The following ANKAR variants were observed in gnomAD, a reference collection of about 807,000 sequenced individuals.
The protein encoded by ANKAR is ankyrin and armadillo repeat containing, also known as ankyrin and armadillo repeat-containing protein.
A neutral mutation model predicts 146.2 loss-of-function variants in ANKAR; 136 were observed. That is an observed-to-expected ratio of 0.93 (90% CI 0.81 to 1.07). The LOEUF is 1.07. Among genes scored for constraint, ANKAR ranks in the 50% least tolerant of loss-of-function variants. ANKAR has a pLI of 0.00. For missense variants in ANKAR, 1,567 were observed against 1,679.9 expected, an observed-to-expected ratio of 0.93 and a Z score of 1.18; for synonymous variants, 500 against 575.8, an observed-to-expected ratio of 0.87 and a Z score of 1.88.
chr2:189,686,002 C>T (rs1205679475), intron 2 of ANKAR, among the ~76,000 whole-genome samples: 1 of 152,280 alleles, frequency 6.6e-6, no homozygotes, highest in Non-Finnish European at 1.5e-5. Context: ...CTTTCAGTCT[C>T]TAAGGCTTCT....
chr2:189,762,953 T>C (rs1173834302), downstream of ANKAR: 8 of 985,218 alleles, frequency 8.1e-6, no homozygotes, highest in Non-Finnish European at 9.6e-6. Context: ...TTCTGTAAAA[T>C]TACACAGCTA....
intron 5 of ANKAR, among the ~76,000 whole-genome samples, chr2:189,694,559 A>G (rs1402616901): frequency 6.6e-6 from 1 of 152,220 alleles, no homozygotes; most frequent in Non-Finnish European, 1.5e-5. Context: ...CCACTGCTGC[A>G]GTGAGTAAAA....
At chr2:189,699,279 A>G (rs1010296151) in intron 7 of ANKAR, among the ~76,000 whole-genome samples, 3 of 152,222 alleles carry the variant, frequency 2.0e-5, no homozygotes, top group Non-Finnish European at 4.4e-5. Flanking sequence ...ACAAGTGCTT[A>G]GTTTGCCACA....
intron 2 of ANKAR, 103 bp downstream of exon 2, chr2:189,677,194 A>G (rs1235403028): frequency 1.4e-5 from 17 of 1,209,874 alleles, no homozygotes; most frequent in Non-Finnish European, 1.9e-5. Flanking sequence ...CAAGCCATTC[A>G]CCCACCTAGG....
rs767852571 is a variant in ANKAR at position 189,676,703 on chromosome 2, T to C, written c.213T>C (p.Ile71=). ...CTCAAGTAGACCTCCCATGTGGAAT[T>C]ATGAGTCAAATGAATAACGTAGGCT... The part of the protein sequence containing the change: ...VRSQVDLPCG[I]MSQMNNVGFS... The change falls in exon 2 of 23, where the codon ATT becomes ATC. Residue 71 remains isoleucine (I), a synonymous_variant. Transcript: ENST00000684021. 6.2e-7 allele frequency: 1 copy of C among 1,614,064 alleles called. No homozygotes were observed. Among genetic ancestry groups the C allele is most frequent in the African/African-American group, 1.3e-5 (1 of 74,928 alleles).
intron 22 of ANKAR, among the ~76,000 whole-genome samples, chr2:189,745,126 G>T (rs538698266): frequency 3.3e-5 from 5 of 152,088 alleles, no homozygotes; most frequent in African/African-American, 1.2e-4. Context: ...GGGAGGCAGA[G>T]GCTGCAGTCA....
Position 189,737,729 on chromosome 2 carries a change from A to G in ANKAR, c.3470A>G (p.Asn1157Ser), listed in dbSNP as rs759393177. ...TATGCATTAACACTTTTTGCCTTCA[A>G]TAATCGCTTTCAACAATACTTAATA... ...AGYALTLFAF[N>S]NRFQQYLILE... The change falls in exon 18 of 23, where the codon AAT (asparagine) becomes AGT (serine). Residue 1157 changes from asparagine (N) to serine (S), a missense_variant. By Grantham distance (46) the Asn-to-Ser change is conservative (BLOSUM62 1). Coordinates refer to ENST00000684021, the MANE Select transcript of ANKAR (RefSeq NM_001378068.1). 8.1e-6 allele frequency: 13 copies of G among 1,598,898 alleles called. No individual in the cohort carries two copies. The East Asian group carries it at 2.5e-4, about 31-fold the overall frequency.
At chr2:189,750,475 G>T, downstream of ANKAR, 1 of 592,120 alleles carries the variant, frequency 1.7e-6, no homozygotes, top group Non-Finnish European at 2.9e-6. Context: ...AAATCTTGAT[G>T]AATAATTAAT....
intron 7 of ANKAR, 68 bp from the exon 8 acceptor site, chr2:189,704,955 A>G (rs1407190694): frequency 6.9e-6 from 10 of 1,441,860 alleles, no homozygotes; most frequent in South Asian, 1.2e-5. Flanking sequence ...GGATATCAAT[A>G]AGGCATTTAG....
chr2:189,682,010 G>T (rs1448199630), intron 2 of ANKAR, among the ~76,000 whole-genome samples: 1 of 152,140 alleles, frequency 6.6e-6, no homozygotes, highest in Non-Finnish European at 1.5e-5. Context: ...TTTAAAAATT[G>T]TTCTTAAATG....
chr2:189,731,665 C>A (rs1018422968), intron 16 of ANKAR, among the ~76,000 whole-genome samples: 6 of 55,180 alleles, frequency 1.1e-4, no homozygotes, highest in African/African-American at 3.7e-4. Context: ...GCCACTGCAC[C>A]CAGGCTGTTT....
chr2:189,718,547 C>CA lies in ANKAR; in HGVS notation c.2225-1020dup, dbSNP rs1251327147. Among the ~76,000 whole-genome samples the CA allele has an allele frequency of 2.2e-4, 33 of 152,058 alleles. 2 individuals carry two copies. The highest frequency in any genetic ancestry group is 1.2e-3 in the Admixed American group (19 of 15,276). ...CCTGATATGTTCCTGAAAACCTGTA[C>CA]AAAAAGCTCTGTATCCAAAAGGTGA... On this transcript the variant is annotated intron_variant, in intron 10 of 22. Coordinates refer to ENST00000684021, the MANE Select transcript of ANKAR (RefSeq NM_001378068.1).
intron 21 of ANKAR, 59 bp from the exon 22 acceptor site, chr2:189,744,683 T>G (rs1331537725): frequency 4.7e-6 from 6 of 1,263,270 alleles, no homozygotes; most frequent in Non-Finnish European, 6.8e-6. Context: ...TCTTCATATA[T>G]TTTTTCTGGG....
intron 7 of ANKAR, among the ~76,000 whole-genome samples, chr2:189,704,581 AT>A (rs2038625791): frequency 8.6e-6 from 1 of 116,344 alleles, no homozygotes; most frequent in Non-Finnish European, 1.8e-5. Context: ...ATATATATAT[AT>A]ATATATATAT....
rs779253823 is a variant in ANKAR at position 189,754,385 on chromosome 2, T to C, written c.*585-6713T>C. 4 of 1,516,166 alleles carry C rather than the reference T, an allele frequency of 2.6e-6. No homozygotes were observed. The South Asian group carries it at 3.7e-5, about 14-fold the overall frequency. The allele number at this position is 1,516,166 out of a possible 1,614,324, so 93.9% of individuals were successfully genotyped here. On this transcript the variant is annotated intron_variant and NMD_transcript_variant, in intron 18 of 18. Coordinates refer to the ANKAR transcript ENST00000441800. ...TATTTTTTAGAGTCATAAAATTAAA[T>C]ACTGTGAAACGAAAAGATGCAAAGG...
intron 18 of ANKAR, chr2:189,753,832 A>G (rs1171021565): frequency 7.1e-7 from 1 of 1,416,314 alleles, no homozygotes; most frequent in African/African-American, 1.4e-5. Flanking sequence ...AGATCTGTTC[A>G]TCCTAAACAC....
At chr2:189,700,423 C>T (rs1353023715) in intron 7 of ANKAR, among the ~76,000 whole-genome samples, 1 of 152,082 alleles carries the variant, frequency 6.6e-6, no homozygotes, top group African/African-American at 2.4e-5. Flanking sequence ...TCTGTGTGTA[C>T]ATAGTAGGCA....
chr2:189,733,249 T>C lies in ANKAR; in HGVS notation c.3423+20T>C, dbSNP rs73979059. On this transcript the variant is annotated intron_variant, in intron 17 of 22. Transcript: ENST00000684021. ...GAAAAGGTAATACCTTTACAAAATATTGAGGTTCATTTTGAAAAAAATGGT... is the reference window on the plus strand; with the variant it reads ...GAAAAGGTAATACCTTTACAAAATACTGAGGTTCATTTTGAAAAAAATGGT... 180 of 1,560,678 alleles carry C rather than the reference T, an allele frequency of 1.2e-4. No individual in the cohort carries two copies. The African/African-American group carries it at 2.3e-3, about 20-fold the overall frequency.
In ANKAR at chr2:189,719,660, C is replaced by A; in HGVS notation, c.2313C>A (p.Thr771=). ...KTVGLLSNIS[T]HKSAVHALVE... is the part of the protein sequence containing the mutation. ...TTGGGTTATTGAGTAATATCTCAAC[C>A]CACAAAAGTGCAGTGCATGCTTTGG... The change falls in exon 11 of 23, where the codon ACC becomes ACA. Residue 771 remains threonine, a synonymous_variant. Coordinates refer to ENST00000684021, the MANE Select transcript of ANKAR (RefSeq NM_001378068.1). 1 of 1,613,982 alleles carries A rather than the reference C, an allele frequency of 6.2e-7. No homozygotes were observed. The highest frequency in any genetic ancestry group is 8.5e-7 in the Non-Finnish European group (1 of 1,179,978).
Sources: gnomAD v4.1 joint callset for allele counts (sites outside exome capture counted in the v4.1 genomes callset) on GRCh38, gnomAD v4.1.1 for gene constraint, MANE v1.5 for transcripts, NCBI Gene and HGNC (gene_info 2026-07-23, HGNC 2026-07-21) for gene names.